The following EGFLAM variants were observed in gnomAD, a reference collection of about 807,000 sequenced individuals.
The protein encoded by EGFLAM is pikachurin.
Under a neutral mutation model 113.1 loss-of-function variants are expected in EGFLAM, and 79 were observed. That is an observed-to-expected ratio of 0.70 (90% CI 0.58 to 0.84). The LOEUF is 0.84. Ranked by LOEUF, EGFLAM falls within the 40% of genes least tolerant of loss-of-function variation. The probability of loss-of-function intolerance (pLI) is 0.00; values close to 1 mark genes in which losing one functional copy is unlikely to be tolerated. For missense variants in EGFLAM, 1,265 were observed against 1,291.6 expected, an observed-to-expected ratio of 0.98 and a Z score of 0.32; for synonymous variants, 504 against 487.6, an observed-to-expected ratio of 1.03 and a Z score of -0.44.
In EGFLAM at chr5:38,337,145, A is replaced by T. The variant is rs781306867; in HGVS notation, c.98-375A>T. Among the ~76,000 whole-genome samples the T allele has an allele frequency of 5.9e-5, 9 of 152,376 alleles. No homozygotes were observed. The South Asian group carries it at 1.4e-3, about 25-fold the overall frequency. On this transcript the variant is annotated intron_variant, in intron 1 of 21. Coordinates refer to ENST00000322350, the MANE Select transcript of EGFLAM (RefSeq NM_152403.4). ...TATGTAATGTATACATAAAACATAT[A>T]TGCTATTGAGTAAATACAAATGTGC...
At chr5:38,405,016 C>A (rs1200504214) in intron 6 of EGFLAM, among the ~76,000 whole-genome samples, 1 of 152,136 alleles carries the variant, frequency 6.6e-6, no homozygotes, top group Non-Finnish European at 1.5e-5. Context: ...TCTCACCCAC[C>A]TTTCAGTTCT....
At chr5:38,325,779 G>A (rs12187331) in intron 1 of EGFLAM, among the ~76,000 whole-genome samples, 14,267 of 152,134 alleles carry the variant, frequency 0.094, 840 homozygotes, top group Middle Eastern at 0.13. Context: ...CATACTTCAT[G>A]AGGATAAAAT....
chr5:38,347,932 C>T (rs1013407687), intron 3 of EGFLAM, among the ~76,000 whole-genome samples: 2 of 151,994 alleles, frequency 1.3e-5, no homozygotes, highest in South Asian at 2.1e-4. Context: ...ATGACAGAAA[C>T]ACATTCAAGT....
At chr5:38,403,729 A>G (rs769009771) in intron 6 of EGFLAM, 2 of 1,503,756 alleles carry the variant, frequency 1.3e-6, no homozygotes, top group Non-Finnish European at 1.8e-6. Context: ...TGGTTGATCG[A>G]GGGTAAATGA....
intron 1 of EGFLAM, among the ~76,000 whole-genome samples, chr5:38,317,232 T>C (rs1056489989): frequency 3.3e-5 from 5 of 152,158 alleles, no homozygotes; most frequent in African/African-American, 9.7e-5. Flanking sequence ...ACTTATATAA[T>C]GTTGCATGCA....
At chr5:38,328,065 C>CT (rs1579777721) in intron 1 of EGFLAM, among the ~76,000 whole-genome samples, 2 of 152,308 alleles carry the variant, frequency 1.3e-5, no homozygotes, top group East Asian at 3.9e-4. Context: ...TAAAGATACA[C>CT]TCGAGATTGG....
At chr5:38,289,273 C>T (rs1267668607) in intron 1 of EGFLAM, among the ~76,000 whole-genome samples, 2 of 149,170 alleles carry the variant, frequency 1.3e-5, no homozygotes, top group Admixed American at 1.3e-4. Flanking sequence ...CTTTCTTTCC[C>T]CGCCCCCACA....
intron 6 of EGFLAM, among the ~76,000 whole-genome samples, chr5:38,402,334 T>C (rs1290643456): frequency 6.6e-6 from 1 of 152,232 alleles, no homozygotes; most frequent in African/African-American, 2.4e-5. Flanking sequence ...TCCCCATCTG[T>C]CTGCCTTGAG....
intron 1 of EGFLAM, among the ~76,000 whole-genome samples, chr5:38,313,290 G>T (rs1480855279): frequency 2.6e-5 from 4 of 152,048 alleles, no homozygotes; most frequent in Non-Finnish European, 5.9e-5. Context: ...TTCATAGACT[G>T]CCTTGTTTAC....
chr5:38,394,026 C>T (rs1265825887), intron 6 of EGFLAM, among the ~76,000 whole-genome samples: 1 of 152,142 alleles, frequency 6.6e-6, no homozygotes, highest in Non-Finnish European at 1.5e-5. Context: ...GCCCAGCCAT[C>T]TCCGGCTAGG....
chr5:38,425,286 T>C (rs1741964673), intron 13 of EGFLAM, among the ~76,000 whole-genome samples, 194 bp downstream of exon 13: 2 of 152,176 alleles, frequency 1.3e-5, no homozygotes, highest in Non-Finnish European at 2.9e-5. Context: ...CAAGTGATTC[T>C]CTTCTGCCTC....
intron 6 of EGFLAM, among the ~76,000 whole-genome samples, chr5:38,371,645 C>T (rs528557558): frequency 1.3e-5 from 2 of 152,212 alleles, no homozygotes; most frequent in East Asian, 3.9e-4. Context: ...CACGCACACA[C>T]ATATGCACAT....
At chr5:38,296,983 G>A (rs1177396140) in intron 1 of EGFLAM, among the ~76,000 whole-genome samples, 2 of 151,856 alleles carry the variant, frequency 1.3e-5, no homozygotes, top group Non-Finnish European at 2.9e-5. Context: ...CAAAACAACC[G>A]ACCAGTACTC....
At chr5:38,439,687 AG>A (rs1450769838) in intron 17 of EGFLAM, among the ~76,000 whole-genome samples, 1 of 152,192 alleles carries the variant, frequency 6.6e-6, no homozygotes, top group Non-Finnish European at 1.5e-5. Context: ...TTAACAAGGG[AG>A]GGTAATTGAT....
At chr5:38,275,938 T>C (rs1234342325) in intron 1 of EGFLAM, among the ~76,000 whole-genome samples, 1 of 152,054 alleles carries the variant, frequency 6.6e-6, no homozygotes, top group African/African-American at 2.4e-5. Flanking sequence ...CGCAAATACA[T>C]GGAAATTAAA....
At chr5:38,284,451 A>T (rs1462162037) in intron 1 of EGFLAM, among the ~76,000 whole-genome samples, 1 of 152,238 alleles carries the variant, frequency 6.6e-6, no homozygotes, top group Non-Finnish European at 1.5e-5. Flanking sequence ...ATAAATGTGC[A>T]TGATTGCTTT....
chr5:38,454,826 C>T (rs1743032667), intron 19 of EGFLAM, among the ~76,000 whole-genome samples: 1 of 152,102 alleles, frequency 6.6e-6, no homozygotes. Flanking sequence ...TAATTTAGTG[C>T]TCAAAGGCTT....
intron 6 of EGFLAM, among the ~76,000 whole-genome samples, chr5:38,378,255 T>C (rs906527780): frequency 6.6e-6 from 1 of 152,146 alleles, no homozygotes; most frequent in East Asian, 1.9e-4. Context: ...GTTGGTTGTG[T>C]AAACCTGTTG....
chr5:38,305,962 C>T (rs1758707827), intron 1 of EGFLAM, among the ~76,000 whole-genome samples: 1 of 152,132 alleles, frequency 6.6e-6, no homozygotes, highest in Non-Finnish European at 1.5e-5. Flanking sequence ...TCAAAGTGGG[C>T]TCCCTAAATT....
Sources: gnomAD v4.1 joint callset for allele counts (sites outside exome capture counted in the v4.1 genomes callset) on GRCh38, gnomAD v4.1.1 for gene constraint, MANE v1.5 for transcripts, NCBI Gene and HGNC (gene_info 2026-07-23, HGNC 2026-07-21) for gene names.